CCR3: variants seen among roughly 807,000 people sequenced by gnomAD.
The protein encoded by CCR3 is C-C motif chemokine receptor 3, also known as C-C chemokine receptor type 3.
For missense variants in CCR3, 419 were observed against 437.5 expected (o/e 0.96, Z 0.38); for synonymous variants, 203 against 179.2 (o/e 1.13, Z -1.06).
chr3:46,251,287 G>A lies in CCR3; in HGVS notation c.-12+8749G>A, dbSNP rs1029111207. On this transcript the variant is annotated intron_variant, in intron 1 of 1. Coordinates refer to ENST00000395940, the MANE Select transcript of CCR3 (RefSeq NM_178329.3). ...GCTGCCTTCCCAGTCTGTGACCGGC[G>A]CCGGAGTTTTGGGTCCATGGATAAA... 5.9e-5 allele frequency among the ~76,000 whole-genome samples: 9 copies of A among 152,192 alleles called. No homozygotes were observed. In the South Asian group the frequency reaches 1.0e-3, roughly 18 times the overall value.
intron 2 of CCR3, among the ~76,000 whole-genome samples, chr3:46,222,471 A>G (rs1488221343): frequency 6.6e-6 from 1 of 152,168 alleles, no homozygotes; most frequent in Non-Finnish European, 1.5e-5. Context: ...CTTGAAGGGT[A>G]CTGCCAGGCT....
intron 2 of CCR3, among the ~76,000 whole-genome samples, chr3:46,232,898 T>C (rs1340788181): frequency 6.6e-6 from 1 of 152,224 alleles, no homozygotes; most frequent in Non-Finnish European, 1.5e-5. Context: ...AGTGGCACAA[T>C]CTCGGCTCAC....
rs199675157 is a variant in CCR3, at chr3:46,266,584, T to C, written c.*358T>C. On this transcript the variant is annotated 3_prime_UTR_variant, in exon 2 of 2. Transcript: ENST00000395940. ...TACATTAACTTCAGCCAGCTATTGA[T>C]ATAAATAAAACATTTTCACACAATA... 279 of 201,960 alleles carry C rather than the reference T, an allele frequency of 1.4e-3. No individual in the cohort carries two copies. The highest frequency in any genetic ancestry group is 1.5e-3 in the South Asian group (8 of 5,494). 12.5% of individuals were successfully genotyped at this position (201,960 alleles called of 1,614,324 possible).
intron 1 of CCR3, 93 bp from the exon 2 acceptor site, chr3:46,265,055 T>C: frequency 1.2e-6 from 1 of 800,930 alleles, no homozygotes; most frequent in Non-Finnish European, 2.0e-6. Flanking sequence ...ACATGTGGCA[T>C]CTTTGTTGAG....
intron 1 of CCR3, among the ~76,000 whole-genome samples, chr3:46,258,014 T>C (rs1700460375): frequency 1.3e-5 from 2 of 152,200 alleles, no homozygotes; most frequent in Non-Finnish European, 2.9e-5. Flanking sequence ...CCAATTTGCG[T>C]TCTGTAATTG....
chr3:46,241,207 T>A (rs1017773312), upstream of CCR3, among the ~76,000 whole-genome samples: 4 of 149,714 alleles, frequency 2.7e-5, no homozygotes, highest in Middle Eastern at 3.4e-3. Flanking sequence ...CCTTCCTCTT[T>A]CTTTGTCTTT....
chr3:46,258,066 C>T (rs1356162019), intron 1 of CCR3, among the ~76,000 whole-genome samples: 1 of 152,194 alleles, frequency 6.6e-6, no homozygotes, highest in Non-Finnish European at 1.5e-5. Context: ...GCCTGTCAAC[C>T]CTGAAAGCAG....
chr3:46,219,585 A>G (rs984937987), intron 2 of CCR3, among the ~76,000 whole-genome samples: 1 of 152,174 alleles, frequency 6.6e-6, no homozygotes, highest in Non-Finnish European at 1.5e-5. Flanking sequence ...TTCAAACTAT[A>G]CTACAAGGCT....
At chr3:46,239,501 C>T (rs1415837862), upstream of CCR3, among the ~76,000 whole-genome samples, 2 of 152,260 alleles carry the variant, frequency 1.3e-5, no homozygotes, top group East Asian at 1.9e-4. Flanking sequence ...CTACATGACT[C>T]ATCTATATGA....
chr3:46,216,244 C>A (rs1490963669), intron 2 of CCR3, among the ~76,000 whole-genome samples: 1 of 152,194 alleles, frequency 6.6e-6, no homozygotes, highest in Non-Finnish European at 1.5e-5. Flanking sequence ...TGCTATGCAA[C>A]TTTATGTGTT....
chr3:46,228,432 A>T (rs1699927949), intron 2 of CCR3, among the ~76,000 whole-genome samples: 1 of 151,950 alleles, frequency 6.6e-6, no homozygotes, highest in Admixed American at 6.6e-5. Flanking sequence ...GCTGAATTTG[A>T]CCCCACCCTT....
intron 1 of CCR3, among the ~76,000 whole-genome samples, chr3:46,251,214 G>A (rs1700302997): frequency 1.3e-5 from 2 of 152,154 alleles, no homozygotes; most frequent in Non-Finnish European, 1.5e-5. Flanking sequence ...TGAAACGTGG[G>A]TGAATAATCA....
At chr3:46,211,019 G>A (rs1699705490) in intron 2 of CCR3, 2 of 152,142 alleles carry the variant, frequency 1.3e-5, no homozygotes, top group South Asian at 4.1e-4. Context: ...CTAGGGTGCA[G>A]CCTGGGCATT....
rs1700608807 is a variant in CCR3 at position 46,265,566 on chromosome 3, C to T, written c.408C>T (p.Val136=). Residue 136 remains valine (V), a synonymous_variant, in exon 2 of 2, where the codon GTC becomes GTT. Transcript: ENST00000395940. Reference sequence around the variant, plus strand: ...CAATCGACAGGTACCTGGCCATTGTCCATGCTGTGTTTGCCCTTCGAGCCC... The same window carrying T: ...CAATCGACAGGTACCTGGCCATTGTTCATGCTGTGTTTGCCCTTCGAGCCC... ...LLTIDRYLAI[V]HAVFALRART... is the part of the protein sequence containing the mutation. The T allele has an allele frequency of 1.2e-6, 2 of 1,614,124 alleles. No individual in the cohort carries two copies. The highest frequency in any genetic ancestry group is 1.7e-6 in the Non-Finnish European group (2 of 1,180,014).
chr3:46,222,104 G>A (rs548139619), intron 2 of CCR3, among the ~76,000 whole-genome samples: 8 of 152,322 alleles, frequency 5.3e-5, no homozygotes, highest in East Asian at 1.9e-4. Flanking sequence ...ACAATAAGGC[G>A]TGACACTCTC....
chr3:46,262,297 G>C (rs1247711499), intron 1 of CCR3, among the ~76,000 whole-genome samples: 2 of 152,214 alleles, frequency 1.3e-5, no homozygotes, highest in Admixed American at 1.3e-4. Context: ...GACCAAAATA[G>C]TTTGGAGACT....
At position 46,265,694 on chromosome 3, in the gene CCR3, AAG is replaced by A; in HGVS notation, c.540_541del (p.Glu180AspfsTer14). On this transcript the variant is annotated frameshift_variant, in exon 2 of 2. Transcript: ENST00000395940. LOFTEE classifies it low-confidence loss of function (END_TRUNC). ...TTCTATGAGACTGAAGAGTTGTTTG[AAG>A]AGACTCTTTGCAGTGCTCTTTACCC... 1.2e-6 allele frequency: 2 copies of A among 1,614,060 alleles called. No homozygotes were observed. Among genetic ancestry groups the A allele is most frequent in the Non-Finnish European group, 1.7e-6 (2 of 1,180,006 alleles).
intron 2 of CCR3, among the ~76,000 whole-genome samples, chr3:46,232,767 A>G (rs962559015): frequency 1.6e-4 from 25 of 152,194 alleles, no homozygotes; most frequent in Admixed American, 6.5e-4. Context: ...ACCTCCCCCA[A>G]TAGCACAGCT....
At chr3:46,220,035 T>C (rs1699817166) in intron 2 of CCR3, among the ~76,000 whole-genome samples, 1 of 152,148 alleles carries the variant, frequency 6.6e-6, no homozygotes, top group Non-Finnish European at 1.5e-5. Flanking sequence ...AAAGTAATAA[T>C]CAGCAGAGTA....
Sources: gnomAD v4.1 joint callset for allele counts (sites outside exome capture counted in the v4.1 genomes callset) on GRCh38, gnomAD v4.1.1 for gene constraint, MANE v1.5 for transcripts, NCBI Gene and HGNC (gene_info 2026-07-23, HGNC 2026-07-21) for gene names.